NCOA2: variants seen among roughly 807,000 people sequenced by gnomAD.
NCOA2 encodes the protein class E basic helix-loop-helix protein 75.
Under a neutral mutation model 145.1 loss-of-function variants are expected in NCOA2, and 21 were observed. That is an observed-to-expected ratio of 0.14 (90% confidence interval 0.10 to 0.21). The LOEUF (loss-of-function observed/expected upper bound fraction) is 0.21, where lower values mean the gene tolerates loss of function less well. Among genes scored for constraint, NCOA2 ranks in the 10% least tolerant of loss-of-function variants. NCOA2 has a pLI of 1.00. For missense variants in NCOA2, 1,472 were observed against 1,837.6 expected, an observed-to-expected ratio of 0.80 and a Z score of 3.64; for synonymous variants, 619 against 637.5, an observed-to-expected ratio of 0.97 and a Z score of 0.44.
rs538656907 is a variant in NCOA2 at position 70,258,990 on chromosome 8, T to C, written c.-20+37754A>G. 8.4e-4 allele frequency among the ~76,000 whole-genome samples: 128 copies of C among 152,342 alleles called. 1 individual carries two copies. Among genetic ancestry groups the C allele is most frequent in the African/African-American group, 3.0e-3 (123 of 41,580 alleles). On this transcript the variant is annotated intron_variant, in intron 2 of 22. Coordinates refer to ENST00000452400, the MANE Select transcript of NCOA2 (RefSeq NM_006540.4). The stretch of plus-strand genomic sequence containing the variant: ...TCCATCAAATATTCCCCTAGCTGTA[T>C]GGTGCACGTTCCAACCAAACTCATA...
At chr8:70,295,401 A>G (rs1447414274) in intron 2 of NCOA2, among the ~76,000 whole-genome samples, 1 of 152,184 alleles carries the variant, frequency 6.6e-6, no homozygotes, top group Non-Finnish European at 1.5e-5. Context: ...AACACATCTA[A>G]TATGTTAATA....
intron 2 of NCOA2, among the ~76,000 whole-genome samples, chr8:70,255,444 T>C (rs1408332220): frequency 1.3e-5 from 2 of 152,232 alleles, no homozygotes; most frequent in Non-Finnish European, 2.9e-5. Context: ...ATGAAAAGCA[T>C]ACATAGGTAA....
At chr8:70,456,444 T>C in the NCOA2 span, among the ~76,000 whole-genome samples, 2 of 152,136 alleles carry the variant, frequency 1.3e-5, no homozygotes, top group South Asian at 4.1e-4. Flanking sequence ...CACCTGGTGT[T>C]CTGGGCTTGT....
At chr8:70,321,071 TAA>T (rs924325122) in intron 1 of NCOA2, among the ~76,000 whole-genome samples, 1 of 152,184 alleles carries the variant, frequency 6.6e-6, no homozygotes, top group African/African-American at 2.4e-5. Flanking sequence ...AATCAAATTC[TAA>T]ATTAACTTTC....
At chr8:70,251,938 G>A (rs2134757719) in intron 2 of NCOA2, among the ~76,000 whole-genome samples, 1 of 152,134 alleles carries the variant, frequency 6.6e-6, no homozygotes, top group East Asian at 1.9e-4. Context: ...ACCTCCCATG[G>A]ATACTCAAAT....
the NCOA2 span, among the ~76,000 whole-genome samples, chr8:70,426,659 G>A: frequency 1.3e-5 from 2 of 152,158 alleles, no homozygotes. Flanking sequence ...TATGTCTTAT[G>A]CATCTGTTTG....
intron 1 of NCOA2, among the ~76,000 whole-genome samples, chr8:70,372,589 A>G (rs1275404698): frequency 6.6e-6 from 1 of 152,210 alleles, no homozygotes; most frequent in Non-Finnish European, 1.5e-5. Flanking sequence ...ACACTTCTCA[A>G]AGGCACCCTT....
intron 1 of NCOA2, among the ~76,000 whole-genome samples, chr8:70,353,894 T>C (rs1324155454): frequency 6.6e-6 from 1 of 152,198 alleles, no homozygotes; most frequent in African/African-American, 2.4e-5. Flanking sequence ...CCCTTATAAA[T>C]GGTTAAATAT....
At chr8:70,208,855 T>A (rs1286461220) in intron 4 of NCOA2, among the ~76,000 whole-genome samples, 3 of 152,226 alleles carry the variant, frequency 2.0e-5, no homozygotes, top group Non-Finnish European at 2.9e-5. Context: ...AGAGCTGTGA[T>A]GAAGATGTAC....
At chr8:70,173,439 G>A (rs1157752043) in intron 5 of NCOA2, among the ~76,000 whole-genome samples, 3 of 152,090 alleles carry the variant, frequency 2.0e-5, no homozygotes. Flanking sequence ...TTTTCCAAAG[G>A]AAATTATCCA....
intron 2 of NCOA2, among the ~76,000 whole-genome samples, chr8:70,278,095 T>C (rs1652366802): frequency 6.6e-6 from 1 of 152,184 alleles, no homozygotes; most frequent in Non-Finnish European, 1.5e-5. Flanking sequence ...TAGGCAACCA[T>C]TAATCTACCT....
At chr8:70,443,258 A>G in the NCOA2 span, among the ~76,000 whole-genome samples, 6 of 151,792 alleles carry the variant, frequency 4.0e-5, no homozygotes, top group African/African-American at 1.5e-4. Context: ...GGTCCTAGCT[A>G]CTCAGGAGGC....
chr8:70,216,470 T>A (rs1311959306), intron 3 of NCOA2, among the ~76,000 whole-genome samples, 190 bp downstream of exon 3: 1 of 152,236 alleles, frequency 6.6e-6, no homozygotes, highest in Non-Finnish European at 1.5e-5. Context: ...CCTCTTTTTG[T>A]AAAGAATACA....
At chr8:70,214,733 T>C (rs983584284) in intron 3 of NCOA2, among the ~76,000 whole-genome samples, 1 of 152,022 alleles carries the variant, frequency 6.6e-6, no homozygotes, top group Non-Finnish European at 1.5e-5. Flanking sequence ...AAAAAGTTAA[T>C]GGAATGGAAA....
At chr8:70,378,840 T>C (rs990783479) in intron 1 of NCOA2, among the ~76,000 whole-genome samples, 4 of 150,904 alleles carry the variant, frequency 2.7e-5, no homozygotes, top group African/African-American at 7.3e-5. Context: ...TGTGAACACA[T>C]ATACAACTTT....
chr8:70,180,385 G>A (rs1311469399), intron 4 of NCOA2, among the ~76,000 whole-genome samples: 2 of 152,000 alleles, frequency 1.3e-5, no homozygotes, highest in East Asian at 1.9e-4. Flanking sequence ...ATTTGCCCGC[G>A]CTCCAGAAAT....
At chr8:70,348,214 C>T (rs543903536) in intron 1 of NCOA2, among the ~76,000 whole-genome samples, 1 of 152,302 alleles carries the variant, frequency 6.6e-6, no homozygotes, top group Admixed American at 6.5e-5. Context: ...AGCTTCCTTT[C>T]AACAGGCAGA....
chr8:70,217,793 A>G (rs913089659), intron 2 of NCOA2, among the ~76,000 whole-genome samples: 1 of 152,158 alleles, frequency 6.6e-6, no homozygotes, highest in African/African-American at 2.4e-5. Flanking sequence ...CAAGGTGTTC[A>G]ATAACTGCTT....
the NCOA2 span, among the ~76,000 whole-genome samples, chr8:70,438,396 T>G: frequency 8.4e-3 from 1,272 of 152,320 alleles, 7 homozygotes; most frequent in Non-Finnish European, 0.012. Flanking sequence ...TTCCTCTTTT[T>G]TATTTAATCA....
Sources: gnomAD v4.1 joint callset for allele counts (sites outside exome capture counted in the v4.1 genomes callset) on GRCh38, gnomAD v4.1.1 for gene constraint, MANE v1.5 for transcripts, NCBI Gene and HGNC (gene_info 2026-07-23, HGNC 2026-07-21) for gene names.